The following COL4A6 variants were observed in gnomAD, a reference collection of about 807,000 sequenced individuals.
The protein encoded by COL4A6 is collagen type IV alpha 6 chain.
COL4A6 carries 59 observed loss-of-function variants against 126.7 expected under a neutral mutation model. That is an observed-to-expected ratio of 0.47 (90% CI 0.38 to 0.58). COL4A6 has a LOEUF of 0.58. COL4A6 is among the 20% of genes least tolerant of loss of function. The pLI, the probability that COL4A6 is intolerant of heterozygous loss-of-function variation, is 0.00. For missense variants in COL4A6, 1,285 were observed against 1,337.3 expected (o/e 0.96, Z 0.61); for synonymous variants, 547 against 496.6 (o/e 1.10, Z -1.35).
chrX:108,242,826 A>T (rs1406474675), intron 3 of COL4A6, among the ~76,000 whole-genome samples: 1 of 110,924 alleles, frequency 9.0e-6, no homozygotes, highest in Non-Finnish European at 1.9e-5. Context: ...CCAGTGCACC[A>T]CCTCATGTAT....
At chrX:108,357,695 T>C (rs1434234223) in intron 2 of COL4A6, among the ~76,000 whole-genome samples, 2 of 111,256 alleles carry the variant, frequency 1.8e-5, no homozygotes, top group African/African-American at 6.5e-5. Flanking sequence ...ACCCCTTGCC[T>C]TTTGTGTACG....
chrX:108,319,066 A>C (rs1342985367), intron 2 of COL4A6, among the ~76,000 whole-genome samples: 1 of 112,761 alleles, frequency 8.9e-6, no homozygotes, highest in African/African-American at 3.2e-5. Context: ...CATCTCTGCT[A>C]TCATTGTTAT....
At chrX:108,280,620 C>T (rs990032291) in intron 3 of COL4A6, among the ~76,000 whole-genome samples, 5 of 111,695 alleles carry the variant, frequency 4.5e-5, no homozygotes, top group Admixed American at 9.5e-5. Context: ...TAGAAAAAGA[C>T]GGAATCCTCC....
intron 3 of COL4A6, among the ~76,000 whole-genome samples, chrX:108,224,030 C>T (rs1224846839): frequency 8.9e-6 from 1 of 112,178 alleles, no homozygotes; most frequent in Non-Finnish European, 1.9e-5. Flanking sequence ...CCAGTCCCAT[C>T]CTGCTCACAC....
At chrX:108,436,772 C>T (rs1019685586) in intron 2 of COL4A6, among the ~76,000 whole-genome samples, 1 of 111,858 alleles carries the variant, frequency 8.9e-6, no homozygotes, top group Admixed American at 9.5e-5. Context: ...CTGGCATCTT[C>T]CTCTCTTTAC....
chrX:108,381,751 A>G (rs2040561500), intron 2 of COL4A6, among the ~76,000 whole-genome samples: 1 of 111,921 alleles, frequency 8.9e-6, no homozygotes, highest in Non-Finnish European at 1.9e-5. Flanking sequence ...TGGTAATGAA[A>G]GTTTCATTAA....
chrX:108,280,061 C>T lies in COL4A6; in HGVS notation c.144+30687G>A, dbSNP rs750806568. Among the ~76,000 whole-genome samples the T allele has an allele frequency of 4.7e-3, 524 of 111,115 alleles. 2 individuals carry two copies. The highest frequency in any genetic ancestry group is 0.016 in the African/African-American group (496 of 30,542). On this transcript the variant is annotated intron_variant, in intron 3 of 44. Transcript: ENST00000334504. The stretch of plus-strand genomic sequence containing the variant: ...AAGCAGGAAAGATCCAAAATTGACA[C>T]CCTGAGATCACAATTAAAAGAACTA...
chrX:108,409,408 ACAAT>A (rs1473826901), intron 2 of COL4A6, among the ~76,000 whole-genome samples: 3 of 112,326 alleles, frequency 2.7e-5, no homozygotes, highest in African/African-American at 9.7e-5. Flanking sequence ...ATTAGTAGCA[ACAAT>A]CAAGTGACTA....
chrX:108,319,683 A>T (rs1158084072), intron 2 of COL4A6, among the ~76,000 whole-genome samples: 1 of 112,566 alleles, frequency 8.9e-6, no homozygotes, highest in Non-Finnish European at 1.9e-5. Flanking sequence ...TGTGGCTAAA[A>T]GCCAGATTGC....
chrX:108,203,870 G>A (rs762343759), intron 12 of COL4A6, among the ~76,000 whole-genome samples: 2 of 112,059 alleles, frequency 1.8e-5, no homozygotes, highest in Non-Finnish European at 3.8e-5. Context: ...TATTTTCAGG[G>A]TCAAGTTTTA....
intron 40 of COL4A6, among the ~76,000 whole-genome samples, chrX:108,163,932 T>A (rs901557776): frequency 8.9e-6 from 1 of 112,149 alleles, no homozygotes; most frequent in Non-Finnish European, 1.9e-5. Context: ...AAGAGGCCAG[T>A]ATGGCAGGAG....
chrX:108,178,610 G>GC (rs1160299116), intron 27 of COL4A6, 74 bp downstream of exon 27: 23 of 1,042,309 alleles, frequency 2.2e-5, no homozygotes, highest in Admixed American at 1.8e-4. Flanking sequence ...TACTGCTATT[G>GC]CCCCCCCAGG....
At chrX:108,411,311 G>GT (rs2041323918) in intron 2 of COL4A6, among the ~76,000 whole-genome samples, 2 of 111,972 alleles carry the variant, frequency 1.8e-5, no homozygotes, top group African/African-American at 6.5e-5. Flanking sequence ...GATTATGATA[G>GT]TAAGTTTACC....
intron 3 of COL4A6, among the ~76,000 whole-genome samples, chrX:108,261,552 C>G (rs1195245206): frequency 9.0e-6 from 1 of 111,437 alleles, no homozygotes; most frequent in Non-Finnish European, 1.9e-5. Flanking sequence ...CCTGCTCATT[C>G]CATGATCCTG....
chrX:108,383,917 C>G, intron 2 of COL4A6: 1 of 645,959 alleles, frequency 1.5e-6, no homozygotes, highest in South Asian at 3.0e-5. Flanking sequence ...CTGGAACAAC[C>G]ATGTGATAAA....
In COL4A6 at chrX:108,191,528, G is replaced by A. The variant is rs1448410228; in HGVS notation, c.1186C>T (p.Pro396Ser). 1.7e-6 allele frequency: 2 copies of A among 1,207,607 alleles called. No homozygotes were observed. Among genetic ancestry groups the A allele is most frequent in the Non-Finnish European group, 1.1e-6 (1 of 893,779 alleles). ...VPGLPALSGV[P>S]GALGPQGFPG... ...AATCCCTGAGGCCCTAGGGCTCCTG[G>A]GACACCTGGAAGAATAAGCCCACAC... Residue 396 changes from proline (P) to serine (S), a missense_variant, in exon 19 of 45, where the codon CCA (proline) becomes TCA (serine). Physicochemically the swap from Pro to Ser is moderately conservative, Grantham distance 74. Transcript: ENST00000334504.
intron 8 of COL4A6, among the ~76,000 whole-genome samples, chrX:108,209,076 T>C (rs893295738): frequency 3.6e-5 from 4 of 112,313 alleles, no homozygotes; most frequent in Non-Finnish European, 7.5e-5. Context: ...TGTTTTGCCC[T>C]AGGGAATATG....
At chrX:108,282,827 A>G (rs905300567) in intron 3 of COL4A6, among the ~76,000 whole-genome samples, 2 of 109,649 alleles carry the variant, frequency 1.8e-5, no homozygotes, top group African/African-American at 6.6e-5. Flanking sequence ...ATAAAAAATG[A>G]TGAGTTCATG....
At position 108,175,082 on chromosome X, in the gene COL4A6, C is replaced by G; in HGVS notation, c.2956+8G>C. The G allele has an allele frequency of 8.5e-7, 1 of 1,183,361 alleles. No individual in the cohort carries two copies. The highest frequency in any genetic ancestry group is 1.9e-5 in the South Asian group (1 of 51,679). ...AGCATTTCTCCTATCCATCCCCTGC[C>G]CCAGCACCTCTTGGCCCAGGAAATC... is the stretch of plus-strand genomic sequence containing the variant. On this transcript the variant is annotated splice_region_variant and intron_variant, in intron 30 of 44. Coordinates refer to ENST00000334504, the MANE Select transcript of COL4A6 (RefSeq NM_033641.4).
Sources: gnomAD v4.1 joint callset for allele counts (sites outside exome capture counted in the v4.1 genomes callset) on GRCh38, gnomAD v4.1.1 for gene constraint, MANE v1.5 for transcripts, NCBI Gene and HGNC (gene_info 2026-07-23, HGNC 2026-07-21) for gene names.